Variants in SP3 observed in about 807,000 individuals in gnomAD.
SP3 encodes transcription factor Sp3.
A neutral mutation model predicts 70.3 loss-of-function variants in SP3; 10 were observed. That is an observed-to-expected ratio of 0.14 (90% CI 0.09 to 0.24). The LOEUF is 0.24. Ranked by LOEUF, SP3 falls within the 10% of genes least tolerant of loss-of-function variation. SP3 has a pLI of 1.00. For synonymous variants in SP3, 402 were observed against 333.5 expected (o/e 1.21, Z -2.24); for missense variants, 825 against 914.6 (o/e 0.90, Z 1.26).
In SP3 at chr2:173,956,059, T is replaced by C. The variant is rs1690881189; in HGVS notation, c.453A>G (p.Ile151Met). The change falls in exon 4 of 7, where the codon ATA becomes ATG. Residue 151 changes from isoleucine to methionine, a missense_variant. Ile to Met is a conservative substitution (Grantham distance 10). Transcript: ENST00000310015. ...LPLQNLQNQQ[I>M]FSVAPGSDSS... is the part of the protein sequence containing the mutation. ...AATCTGATCCTGGTGCAACGGAAAA[T>C]ATTTGTTGATTCTGCAAATTCTGAA... 1.2e-6 allele frequency: 2 copies of C among 1,613,996 alleles called. No individual in the cohort carries two copies. Among genetic ancestry groups the C allele is most frequent in the African/African-American group, 2.7e-5 (2 of 74,904 alleles).
intron 5 of SP3, chr2:173,915,588 G>T (rs1157168299): frequency 6.6e-6 from 1 of 152,026 alleles, no homozygotes; most frequent in Non-Finnish European, 1.5e-5. Context: ...GAGGAGTTAA[G>T]AAAAGTTAAG....
intron 4 of SP3, among the ~76,000 whole-genome samples, chr2:173,944,110 T>C (rs920401322): frequency 1.3e-5 from 2 of 152,250 alleles, no homozygotes; most frequent in East Asian, 1.9e-4. Flanking sequence ...CATGTGACTA[T>C]AACCTCAAAC....
chr2:173,943,530 T>C (rs1023929534), intron 4 of SP3, among the ~76,000 whole-genome samples: 4 of 152,310 alleles, frequency 2.6e-5, no homozygotes, highest in South Asian at 2.1e-4. Context: ...GGGGTCTCAC[T>C]ATGTTGCCCA....
rs941028569 is a variant in SP3 at position 173,908,022 on chromosome 2, T to C, written c.*1919A>G. The C allele has an allele frequency of 6.6e-6, 1 of 152,094 alleles. No individual in the cohort carries two copies. The highest frequency in any genetic ancestry group is 2.4e-5 in the African/African-American group (1 of 41,440). 9.4% of individuals were successfully genotyped at this position (152,094 alleles called of 1,614,324 possible). A position where few individuals can be genotyped will look rare whatever the true frequency, so the allele number is the denominator to read the frequency against. ...CACTGTATACATGTGTTAAGAAACT[T>C]GATTTTTACTTTAAAACATCTACAA... On this transcript the variant is annotated 3_prime_UTR_variant, in exon 7 of 7. Transcript: ENST00000310015.
In SP3 at chr2:173,936,403, T is replaced by C. The variant is rs575003680; in HGVS notation, c.1640-17618A>G. Among the ~76,000 whole-genome samples the C allele has an allele frequency of 4.9e-4, 75 of 152,332 alleles. No individual in the cohort carries two copies. The South Asian group carries it at 0.015, about 31-fold the overall frequency. ...TCTTCCAAGCATTGATTTATTCACG[T>C]TATTCCTCTGTTCAAAAACTTTCAA... On this transcript the variant is annotated intron_variant, in intron 4 of 6. Transcript: ENST00000310015.
intron 3 of SP3, among the ~76,000 whole-genome samples, chr2:173,962,276 T>C (rs1302752686): frequency 1.3e-5 from 2 of 152,222 alleles, no homozygotes; most frequent in East Asian, 1.9e-4. Context: ...ATCTAAACTT[T>C]ACAAATTACA....
intron 4 of SP3, among the ~76,000 whole-genome samples, chr2:173,952,682 T>A (rs529644825): frequency 7.3e-6 from 1 of 136,144 alleles, no homozygotes; most frequent in African/African-American, 2.5e-5. Flanking sequence ...ATAAATAAAA[T>A]GTGGTATATC....
rs978824174 is a variant in SP3, at chr2:173,904,892, T to G, written c.*5049A>C. 6.6e-6 allele frequency among the ~76,000 whole-genome samples: 1 copy of G among 152,244 alleles called. No individual in the cohort carries two copies. The highest frequency in any genetic ancestry group is 1.5e-5 in the Non-Finnish European group (1 of 68,050). On this transcript the variant is annotated 3_prime_UTR_variant, in exon 7 of 7. Coordinates refer to ENST00000310015, the MANE Select transcript of SP3 (RefSeq NM_003111.5). Reference sequence around the variant, plus strand: ...GGGAGAAATAACTGCATTTCTCTGATGGCCTTTCCTAATCTTAAAAACCAC... The same window carrying G: ...GGGAGAAATAACTGCATTTCTCTGAGGGCCTTTCCTAATCTTAAAAACCAC...
rs34329180 is a variant in SP3, at chr2:173,901,695, CTTTTTTTTTTT to C, written c.*8235_*8245del. Among the ~76,000 whole-genome samples the C allele has an allele frequency of 9.3e-5, 7 of 74,958 alleles. No homozygotes were observed. Among genetic ancestry groups the C allele is most frequent in the African/African-American group, 3.7e-4 (7 of 19,020 alleles). 49.2% of individuals were successfully genotyped at this position (74,958 alleles called of 152,430 possible). ...GGGAAACAGTTAGTTGGACTTAAGC[CTTTTTTTTTTT>C]TTTTTTTTTTTTTGAGACGAAATCT... On this transcript the variant is annotated 3_prime_UTR_variant, in exon 7 of 7. Transcript: ENST00000310015.
At chr2:173,957,753 G>T (rs1332504530) in intron 3 of SP3, among the ~76,000 whole-genome samples, 1 of 152,148 alleles carries the variant, frequency 6.6e-6, no homozygotes, top group Non-Finnish European at 1.5e-5. Context: ...AAGGCTCAAT[G>T]AAGGAGACTG....
chr2:173,965,081 G>C, intron 1 of SP3, 84 bp downstream of exon 1: 1 of 1,523,880 alleles, frequency 6.6e-7, no homozygotes, highest in Non-Finnish European at 8.9e-7. Context: ...GGCCGAGACC[G>C]GCGGCAGCGG....
chr2:173,958,719 G>T (rs2105502908), intron 3 of SP3, among the ~76,000 whole-genome samples: 1 of 150,970 alleles, frequency 6.6e-6, no homozygotes. Context: ...AAAACACATT[G>T]AATCAGAAAA....
At chr2:173,918,341 G>A (rs563946919) in intron 5 of SP3, among the ~76,000 whole-genome samples, 47 of 152,142 alleles carry the variant, frequency 3.1e-4, no homozygotes, top group African/African-American at 1.1e-3. Context: ...TCTGATCAGT[G>A]TGGGCCTGTT....
chr2:173,958,138 A>AT (rs1218034441), intron 3 of SP3, among the ~76,000 whole-genome samples: 1 of 152,156 alleles, frequency 6.6e-6, no homozygotes, highest in Non-Finnish European at 1.5e-5. Flanking sequence ...TCTGACCAGC[A>AT]TAAAATTTAC....
intron 4 of SP3, among the ~76,000 whole-genome samples, chr2:173,950,457 C>T: frequency 6.6e-6 from 1 of 152,120 alleles, no homozygotes; most frequent in Non-Finnish European, 1.5e-5. Context: ...GGCAAAAGGA[C>T]TGCTTGTGCC....
chr2:173,907,578 T>C lies in SP3; in HGVS notation c.*2363A>G, dbSNP rs1011417614. 4.6e-5 allele frequency: 7 copies of C among 152,090 alleles called. No individual in the cohort carries two copies. The highest frequency in any genetic ancestry group is 1.7e-4 in the African/African-American group (7 of 41,446). The allele number at this position is 152,090 out of a possible 1,614,324, so 9.4% of individuals were successfully genotyped here. On this transcript the variant is annotated 3_prime_UTR_variant, in exon 7 of 7. Transcript: ENST00000310015. The stretch of plus-strand genomic sequence containing the variant: ...TCATTCTCCACGAATTCATAAAATA[T>C]GCATGGACACCTATCGATTCAAAGT...
Position 173,908,094 on chromosome 2 carries a change from G to C in SP3, c.*1847C>G, listed in dbSNP as rs952687991. On this transcript the variant is annotated 3_prime_UTR_variant, in exon 7 of 7. Transcript: ENST00000310015. Reference sequence around the variant, plus strand: ...TTTCCTCCTACTCTGCCTTTATAATGATGAAACACATGCAAATTCAAAGGC... The same window carrying C: ...TTTCCTCCTACTCTGCCTTTATAATCATGAAACACATGCAAATTCAAAGGC... 1 of 151,692 alleles carries C rather than the reference G, an allele frequency of 6.6e-6. No individual in the cohort carries two copies. Among genetic ancestry groups the C allele is most frequent in the Non-Finnish European group, 1.5e-5 (1 of 67,928 alleles). The allele number at this position is 151,692 out of a possible 1,614,324, so 9.4% of individuals were successfully genotyped here.
chr2:173,934,096 A>G (rs1008114632), intron 4 of SP3, among the ~76,000 whole-genome samples: 9 of 151,946 alleles, frequency 5.9e-5, no homozygotes, highest in Admixed American at 2.0e-4. Context: ...AAAAATTAGC[A>G]AGGCACAGTG....
chr2:173,917,371 A>C (rs58816936), intron 5 of SP3, among the ~76,000 whole-genome samples: 5,640 of 152,124 alleles, frequency 0.037, 375 homozygotes, highest in African/African-American at 0.13. Flanking sequence ...GTAGAAGGAG[A>C]GTCACTTGGG....
Sources: allele counts gnomAD v4.1 joint callset (sites outside exome capture counted in the v4.1 genomes callset), GRCh38; gene constraint gnomAD v4.1.1; transcripts MANE v1.5; gene names NCBI Gene and HGNC (gene_info 2026-07-23, HGNC 2026-07-21).